VANGL1: variants seen among roughly 807,000 people sequenced by gnomAD.
The protein encoded by VANGL1 is VANGL planar cell polarity protein 1.
VANGL1 carries 18 observed loss-of-function variants against 48.4 expected under a neutral mutation model. That is an observed-to-expected ratio of 0.37 (90% confidence interval 0.26 to 0.55). VANGL1 has a LOEUF of 0.55. Ranked by LOEUF, VANGL1 falls within the 20% of genes least tolerant of loss-of-function variation. The pLI is 0.81. For synonymous variants in VANGL1, 257 were observed against 261.8 expected (o/e 0.98, Z 0.18); for missense variants, 667 against 675.8 (o/e 0.99, Z 0.14).
At chr1:115,676,358 G>A (rs980645506) in intron 4 of VANGL1, among the ~76,000 whole-genome samples, 1 of 152,114 alleles carries the variant, frequency 6.6e-6, no homozygotes, top group Admixed American at 6.5e-5. Flanking sequence ...AGTCCCTAAG[G>A]AAAACTGTGC....
intron 2 of VANGL1, among the ~76,000 whole-genome samples, chr1:115,658,035 C>T (rs1215906621): frequency 6.6e-6 from 1 of 152,212 alleles, no homozygotes; most frequent in Admixed American, 6.5e-5. Flanking sequence ...CACCAGGCCC[C>T]ACCTCCAGCA....
chr1:115,686,012 G>A (rs886117752), intron 7 of VANGL1, among the ~76,000 whole-genome samples: 1 of 151,890 alleles, frequency 6.6e-6, no homozygotes, highest in Admixed American at 6.6e-5. Flanking sequence ...TATAAACAGA[G>A]GTCCTTATAA....
At chr1:115,683,006 A>G (rs1328406841) in intron 5 of VANGL1, among the ~76,000 whole-genome samples, 2 of 152,222 alleles carry the variant, frequency 1.3e-5, no homozygotes, top group East Asian at 1.9e-4. Flanking sequence ...GTTAAGTGCA[A>G]GAAACAGGAT....
chr1:115,664,264 CT>C lies in VANGL1; in HGVS notation c.809del (p.Leu270ArgfsTer11). On this transcript the variant is annotated frameshift_variant, in exon 4 of 8. Transcript: ENST00000355485. LOFTEE classifies it high-confidence loss of function. ...GTCCCGCTTCTACAGCCTGGGACAC[CT>C]GAGGTAAGAGGCAACATCCAGGAGG... Reference protein sequence around the residue: ...GESRFYSLGHLSIQRAALVVL... With the variant: ...GESRFYSLGHXSIQRAALVVL... The C allele has an allele frequency of 6.2e-7, 1 of 1,613,712 alleles. No individual in the cohort carries two copies. Among genetic ancestry groups the C allele is most frequent in the Non-Finnish European group, 8.5e-7 (1 of 1,179,974 alleles).
rs1653174268 is a variant in VANGL1, at chr1:115,676,556, T to C, written c.813-5808T>C. Among the ~76,000 whole-genome samples, 7 of 152,228 alleles carry C rather than the reference T, an allele frequency of 4.6e-5. No individual in the cohort carries two copies. The South Asian group carries it at 1.2e-3, about 27-fold the overall frequency. ...CACTTTAAAATGTGTTATTTCATCT[T>C]CAGCACAGACCTAAACCAGGCAGGC... On this transcript the variant is annotated intron_variant, in intron 4 of 7. Coordinates refer to ENST00000355485, the MANE Select transcript of VANGL1 (RefSeq NM_138959.3).
intron 4 of VANGL1, among the ~76,000 whole-genome samples, chr1:115,671,738 G>A (rs1465828860): frequency 5.9e-5 from 9 of 152,156 alleles, no homozygotes; most frequent in Non-Finnish European, 1.2e-4. Flanking sequence ...TTTGTGCCGC[G>A]GCCTACAAGC....
At position 115,651,423 on chromosome 1, in the gene VANGL1, G is replaced by A. The variant is rs779768443; in HGVS notation, c.10G>A (p.Glu4Lys). MDT[E>K]STYSGYSYYS... ...CAAGCCCTCCATTGCTATGGATACCGAATCCACTTATTCTGGATATTCTTA... is the reference window on the plus strand; with the variant it reads ...CAAGCCCTCCATTGCTATGGATACCAAATCCACTTATTCTGGATATTCTTA... Residue 4 changes from glutamate to lysine, a missense_variant, in exon 2 of 8, where the codon GAA (glutamate) becomes AAA (lysine). Physicochemically the swap from Glu to Lys is moderately conservative, Grantham distance 56 (BLOSUM62 1). Transcript: ENST00000355485. 23 of 1,613,760 alleles carry A rather than the reference G, an allele frequency of 1.4e-5. No homozygotes were observed. The highest frequency in any genetic ancestry group is 2.2e-5 in the East Asian group (1 of 44,892).
At chr1:115,667,846 T>C (rs1408426313) in intron 4 of VANGL1, among the ~76,000 whole-genome samples, 2 of 152,220 alleles carry the variant, frequency 1.3e-5, no homozygotes, top group African/African-American at 4.8e-5. Flanking sequence ...TCTTAATCAT[T>C]TTTCAGTTTT....
intron 1 of VANGL1, among the ~76,000 whole-genome samples, chr1:115,645,092 C>T (rs1223841759): frequency 2.6e-5 from 4 of 152,134 alleles, no homozygotes; most frequent in East Asian, 1.9e-4. Context: ...CATCTCTGCC[C>T]GCTCCTTTCC....
intron 2 of VANGL1, among the ~76,000 whole-genome samples, chr1:115,658,702 C>T (rs946745664): frequency 1.3e-5 from 2 of 152,048 alleles, no homozygotes; most frequent in East Asian, 3.9e-4. Flanking sequence ...TTGAGGGACT[C>T]CTTAGGTGGG....
intron 4 of VANGL1, among the ~76,000 whole-genome samples, chr1:115,665,568 G>C (rs1414818906): frequency 6.6e-6 from 1 of 152,358 alleles, no homozygotes; most frequent in Non-Finnish European, 1.5e-5. Context: ...TCATGTTGGT[G>C]TGTACCCTCC....
intron 4 of VANGL1, among the ~76,000 whole-genome samples, chr1:115,681,001 C>T (rs12022151): frequency 0.016 from 2,487 of 152,272 alleles, 98 homozygotes; most frequent in East Asian, 0.094. Flanking sequence ...TCAGCACGTA[C>T]GCTGTTACAC....
At chr1:115,679,971 GCA>G (rs5777241) in intron 4 of VANGL1, among the ~76,000 whole-genome samples, 103,151 of 148,540 alleles carry the variant, frequency 0.69, 36,084 homozygotes, top group South Asian at 0.76. Flanking sequence ...GCTGAGCTAG[GCA>G]CACACCAGGG....
At chr1:115,655,205 G>A (rs944600388) in intron 2 of VANGL1, among the ~76,000 whole-genome samples, 4 of 152,198 alleles carry the variant, frequency 2.6e-5, no homozygotes, top group African/African-American at 9.7e-5. Context: ...TGGGTTGTGG[G>A]AGAGAAGGAA....
chr1:115,656,267 G>A (rs1652351522), intron 2 of VANGL1, among the ~76,000 whole-genome samples: 1 of 152,200 alleles, frequency 6.6e-6, no homozygotes, highest in Non-Finnish European at 1.5e-5. Flanking sequence ...GTGCAGCTGA[G>A]CATTACACTC....
intron 2 of VANGL1, among the ~76,000 whole-genome samples, chr1:115,658,994 C>A (rs1209935684): frequency 6.6e-6 from 1 of 152,070 alleles, no homozygotes; most frequent in Non-Finnish European, 1.5e-5. Flanking sequence ...CACCCTCCAC[C>A]CCTCTTGGTG....
In VANGL1 at chr1:115,663,888, T is replaced by C; in HGVS notation, c.432T>C (p.Pro144=). Residue 144 remains proline, a synonymous_variant, in exon 4 of 8, where the codon CCT becomes CCC. Transcript: ENST00000355485. Reference sequence around the variant, plus strand: ...TCCTGTGGAGGGATGAGCTGGAGCCTTGTGGCACAATTTGTGAGGGGCTCT... The same window carrying C: ...TCCTGTGGAGGGATGAGCTGGAGCCCTGTGGCACAATTTGTGAGGGGCTCT... ...PPILWRDELE[P]CGTICEGLFI... 4 of 1,614,216 alleles carry C rather than the reference T, an allele frequency of 2.5e-6. No homozygotes were observed. Among genetic ancestry groups the C allele is most frequent in the Non-Finnish European group, 3.4e-6 (4 of 1,180,044 alleles).
chr1:115,676,254 G>A (rs1653160597), intron 4 of VANGL1, among the ~76,000 whole-genome samples: 1 of 152,130 alleles, frequency 6.6e-6, no homozygotes, highest in Non-Finnish European at 1.5e-5. Context: ...TCCTACAATG[G>A]ATGCCTCCCT....
chr1:115,684,083 T>G lies in VANGL1; in HGVS notation c.1079+7T>G. On this transcript the variant is annotated splice_region_variant and intron_variant, in intron 6 of 7. Transcript: ENST00000355485. ...TAAAGAAGCGGAAAGCAAGGTATAC[T>G]GCCCTCCTGATGCCAGTACCCTCTT... 1.9e-6 allele frequency: 3 copies of G among 1,613,012 alleles called. No individual in the cohort carries two copies. The highest frequency in any genetic ancestry group is 2.5e-6 in the Non-Finnish European group (3 of 1,179,346).
Sources: allele counts gnomAD v4.1 joint callset (sites outside exome capture counted in the v4.1 genomes callset), GRCh38; gene constraint gnomAD v4.1.1; transcripts MANE v1.5; gene names NCBI Gene and HGNC (gene_info 2026-07-23, HGNC 2026-07-21).